Variants in FAM193A observed in about 807,000 individuals in gnomAD.
FAM193A encodes the protein protein FAM193A.
In FAM193A, 22 loss-of-function variants were observed where a neutral mutation model predicts 126.5. The observed-to-expected ratio is 0.17, with a 90% CI of 0.12 to 0.25. FAM193A has a LOEUF of 0.25. FAM193A is among the 10% of genes least tolerant of loss of function. FAM193A has a pLI of 1.00. For synonymous variants in FAM193A, 761 were observed against 646.8 expected, an observed-to-expected ratio of 1.18 and a Z score of -2.68; for missense variants, 1,675 against 1,672.8, an observed-to-expected ratio of 1.00 and a Z score of -0.02.
At chr4:2,668,148 T>C (rs1472585950) in intron 12 of FAM193A, among the ~76,000 whole-genome samples, 2 of 151,550 alleles carry the variant, frequency 1.3e-5, no homozygotes, top group East Asian at 3.9e-4. Context: ...TCAGTGATTC[T>C]CCCGCCAGGA....
chr4:2,612,830 A>G (rs1158340297), intron 2 of FAM193A, among the ~76,000 whole-genome samples: 1 of 152,196 alleles, frequency 6.6e-6, no homozygotes, highest in East Asian at 1.9e-4. Context: ...GAAGCTATTT[A>G]TAGTAAGTCA....
At chr4:2,600,443 T>G (rs1741131003) in intron 2 of FAM193A, among the ~76,000 whole-genome samples, 1 of 152,190 alleles carries the variant, frequency 6.6e-6, no homozygotes, top group African/African-American at 2.4e-5. Flanking sequence ...CTGCTTCCTC[T>G]TCATAACTTC....
intron 17 of FAM193A, among the ~76,000 whole-genome samples, 165 bp downstream of exon 17, chr4:2,695,294 A>AT (rs957464016): frequency 2.0e-5 from 3 of 151,976 alleles, no homozygotes; most frequent in Non-Finnish European, 1.5e-5. Flanking sequence ...AGCCATAATG[A>AT]TTTTTTTTCT....
intron 20 of FAM193A, among the ~76,000 whole-genome samples, chr4:2,717,269 C>T (rs544862872): frequency 2.0e-5 from 3 of 152,218 alleles, no homozygotes; most frequent in East Asian, 1.9e-4. Flanking sequence ...TGTGATTAAG[C>T]GTGCATTTGT....
intron 1 of FAM193A, among the ~76,000 whole-genome samples, chr4:2,560,806 C>A (rs1403667707): frequency 1.3e-5 from 2 of 152,080 alleles, no homozygotes; most frequent in Admixed American, 1.3e-4. Flanking sequence ...TCCTCTTCCT[C>A]AGTGTTTTTA....
At chr4:2,654,251 T>A (rs1745948409) in intron 7 of FAM193A, among the ~76,000 whole-genome samples, 1 of 152,086 alleles carries the variant, frequency 6.6e-6, no homozygotes. Context: ...GATGGAGTCT[T>A]ACTCTCTCAA....
At chr4:2,571,546 CTT>C (rs879357991) in intron 1 of FAM193A, among the ~76,000 whole-genome samples, 1 of 146,062 alleles carries the variant, frequency 6.8e-6, no homozygotes, top group Non-Finnish European at 1.5e-5. Flanking sequence ...TAGAGCAGAA[CTT>C]TTTTTTTTTT....
At chr4:2,670,345 T>A (rs1444037073) in intron 12 of FAM193A, among the ~76,000 whole-genome samples, 1 of 152,228 alleles carries the variant, frequency 6.6e-6, no homozygotes, top group African/African-American at 2.4e-5. Context: ...CATATTTTCC[T>A]TTAATTCTCT....
rs1717557448 is a variant in FAM193A at position 2,700,249 on chromosome 4, G to A, written c.4077G>A (p.Lys1359=). The A allele has an allele frequency of 6.2e-7, 1 of 1,614,058 alleles. No individual in the cohort carries two copies. Among genetic ancestry groups the A allele is most frequent in the Non-Finnish European group, 8.5e-7 (1 of 1,180,014 alleles). Residue 1359 remains lysine, a synonymous_variant, in exon 19 of 21, where the codon AAG becomes AAA. Coordinates refer to ENST00000637812, the MANE Select transcript of FAM193A (RefSeq NM_001366318.2). ...CGAGGAGGCCCACAGAGCCCCCCAAGGCCACAGAGGGGCAGTCCAAGCCCC... is the reference window on the plus strand; with the variant it reads ...CGAGGAGGCCCACAGAGCCCCCCAAAGCCACAGAGGGGCAGTCCAAGCCCC... ...EPARRPTEPP[K]ATEGQSKPRA... is the part of the protein sequence containing the mutation.
chr4:2,633,806 T>C (rs1336550551), intron 5 of FAM193A, among the ~76,000 whole-genome samples: 2 of 152,100 alleles, frequency 1.3e-5, no homozygotes, highest in Admixed American at 1.3e-4. Context: ...GGCAGGAGAA[T>C]TGCTTGAACC....
At chr4:2,594,705 G>C (rs1057089067) in intron 1 of FAM193A, among the ~76,000 whole-genome samples, 2 of 151,698 alleles carry the variant, frequency 1.3e-5, no homozygotes, top group Non-Finnish European at 2.9e-5. Context: ...GGATTGGGTT[G>C]ATACGGGTTA....
At chr4:2,586,090 A>C (rs35610900) in intron 1 of FAM193A, among the ~76,000 whole-genome samples, 36,530 of 151,684 alleles carry the variant, frequency 0.24, 4,553 homozygotes, top group East Asian at 0.33. Flanking sequence ...CTAAAAAGAC[A>C]AAATTAGCCA....
intron 2 of FAM193A, among the ~76,000 whole-genome samples, chr4:2,623,749 A>T (rs1742699649): frequency 6.6e-6 from 1 of 152,024 alleles, no homozygotes; most frequent in Non-Finnish European, 1.5e-5. Flanking sequence ...TTCATGCTTG[A>T]CTGGGGGAGG....
chr4:2,622,257 CAAAAAAAA>C (rs71178493), intron 2 of FAM193A, among the ~76,000 whole-genome samples: 91 of 55,578 alleles, frequency 1.6e-3, no homozygotes, highest in African/African-American at 5.5e-3. Context: ...ACCCTGTCTC[CAAAAAAAA>C]AAAAAAAAAA....
chr4:2,728,238 ATTT>A (rs58609064), intron 20 of FAM193A, among the ~76,000 whole-genome samples: 3 of 82,060 alleles, frequency 3.7e-5, no homozygotes, highest in African/African-American at 1.5e-4. Context: ...ACCCGGCCCA[ATTT>A]TTTTTTTTTT....
At chr4:2,707,498 C>T (rs1718438006) in intron 19 of FAM193A, among the ~76,000 whole-genome samples, 1 of 151,980 alleles carries the variant, frequency 6.6e-6, no homozygotes, top group Non-Finnish European at 1.5e-5. Flanking sequence ...AAAATATATA[C>T]TGGATTTTGA....
chr4:2,629,775 C>T (rs577157262), intron 4 of FAM193A, among the ~76,000 whole-genome samples: 1 of 152,160 alleles, frequency 6.6e-6, no homozygotes, highest in Admixed American at 6.5e-5. Flanking sequence ...TCTAGAGGCT[C>T]CTGGATTAAA....
chr4:2,708,999 T>G (rs1448851110), intron 19 of FAM193A, among the ~76,000 whole-genome samples: 2 of 152,104 alleles, frequency 1.3e-5, no homozygotes, highest in African/African-American at 4.8e-5. Context: ...GGCTTTAGGG[T>G]TAAGGTTTAT....
In FAM193A at chr4:2,700,582, G is replaced by A. The variant is rs201219427; in HGVS notation, c.4372+38G>A. ...TAGCGGGAAGGTATTTCTGAGCGAT[G>A]CCTGGTTTTCCATGTGTGATGTGCT... On this transcript the variant is annotated intron_variant, in intron 19 of 20. Transcript: ENST00000637812. 7.0e-6 allele frequency: 11 copies of A among 1,578,298 alleles called. No individual in the cohort carries two copies. In the East Asian group the frequency reaches 2.2e-4, roughly 32 times the overall value.
Sources: gnomAD v4.1 joint callset for allele counts (sites outside exome capture counted in the v4.1 genomes callset) on GRCh38, gnomAD v4.1.1 for gene constraint, MANE v1.5 for transcripts, NCBI Gene and HGNC (gene_info 2026-07-23, HGNC 2026-07-21) for gene names.